SGTB: variants seen among roughly 807,000 people sequenced by gnomAD.
SGTB encodes the protein small glutamine rich tetratricopeptide repeat co-chaperone beta, also known as small glutamine-rich tetratricopeptide repeat-containing protein beta.
Under a neutral mutation model 43.9 loss-of-function variants are expected in SGTB, and 19 were observed. The ratio of observed to expected loss-of-function variants is 0.43; its 90% CI spans 0.30 to 0.63. SGTB has a LOEUF of 0.63. Among genes scored for constraint, SGTB ranks in the 30% least tolerant of loss-of-function variants. The pLI is 0.12. For synonymous variants in SGTB, 116 were observed against 117.3 expected, an observed-to-expected ratio of 0.99 and a Z score of 0.07; for missense variants, 304 against 358.9, an observed-to-expected ratio of 0.85 and a Z score of 1.24.
rs1757111048 is a variant in SGTB, at chr5:65,669,452, T to C, written c.*794A>G. ...AAGTCAAACAGTTGTACCACTGACC[T>C]AACCAGTACATTAAGGATTTCTAAA... is the stretch of plus-strand genomic sequence containing the variant. On this transcript the variant is annotated 3_prime_UTR_variant, in exon 11 of 11. Coordinates refer to ENST00000381007, the MANE Select transcript of SGTB (RefSeq NM_019072.3). 6.6e-6 allele frequency: 1 copy of C among 152,204 alleles called. No homozygotes were observed. The highest frequency in any genetic ancestry group is 2.1e-4 in the South Asian group (1 of 4,830). 9.4% of individuals were successfully genotyped at this position (152,204 alleles called of 1,614,324 possible).
At chr5:65,687,821 T>C (rs1757528852) in intron 5 of SGTB, among the ~76,000 whole-genome samples, 1 of 150,932 alleles carries the variant, frequency 6.6e-6, no homozygotes, top group African/African-American at 2.5e-5. Context: ...CAGGCTGGAC[T>C]GCAGTGGCGC....
intron 2 of SGTB, among the ~76,000 whole-genome samples, chr5:65,716,925 C>T (rs1241281996): frequency 3.3e-5 from 5 of 151,472 alleles, no homozygotes; most frequent in Admixed American, 1.3e-4. Flanking sequence ...ACCCTGGGTA[C>T]ACCAGGTCAG....
intron 5 of SGTB, among the ~76,000 whole-genome samples, chr5:65,692,656 T>A (rs1466296788): frequency 6.6e-6 from 1 of 152,048 alleles, no homozygotes; most frequent in African/African-American, 2.4e-5. Context: ...GAGACAAAAG[T>A]GGCATAACAA....
intron 5 of SGTB, among the ~76,000 whole-genome samples, chr5:65,687,329 T>G (rs1312960679): frequency 1.3e-5 from 2 of 152,202 alleles, no homozygotes; most frequent in Non-Finnish European, 2.9e-5. Flanking sequence ...GAGCACAACC[T>G]TCCAGACAAG....
At chr5:65,670,922 A>G (rs27136) in intron 10 of SGTB, among the ~76,000 whole-genome samples, 94,154 of 152,032 alleles carry the variant, frequency 0.62, 29,468 homozygotes, top group Non-Finnish European at 0.64. Context: ...TTCATATAAA[A>G]TGTCCAGCGA....
At chr5:65,714,553 G>A (rs1026713247) in intron 2 of SGTB, among the ~76,000 whole-genome samples, 3 of 152,154 alleles carry the variant, frequency 2.0e-5, no homozygotes, top group Non-Finnish European at 4.4e-5. Flanking sequence ...GGTGGCTCAC[G>A]CCTATAATCC....
chr5:65,720,566 T>A (rs1422014049), intron 2 of SGTB, 142 bp downstream of exon 2: 11 of 838,560 alleles, frequency 1.3e-5, no homozygotes, highest in Non-Finnish European at 1.9e-5. Flanking sequence ...GGAAATACGA[T>A]AACCTTATAG....
rs1757620301 is a variant in SGTB, at chr5:65,691,886, G to A, written c.375-6414C>T. On this transcript the variant is annotated intron_variant, in intron 5 of 10. Coordinates refer to ENST00000381007, the MANE Select transcript of SGTB (RefSeq NM_019072.3). ...GCGGAGCTTGCAGTGAGCCGAGATC[G>A]CGCCACTGCACCCCAGCCTGGGTGA... is the stretch of plus-strand genomic sequence containing the variant. 5.3e-5 allele frequency among the ~76,000 whole-genome samples: 8 copies of A among 150,162 alleles called. No individual in the cohort carries two copies. In the South Asian group the frequency reaches 1.1e-3, roughly 20 times the overall value.
At chr5:65,716,013 G>T (rs556214398) in intron 2 of SGTB, among the ~76,000 whole-genome samples, 1 of 152,138 alleles carries the variant, frequency 6.6e-6, no homozygotes, top group African/African-American at 2.4e-5. Context: ...CAAGTGATCC[G>T]CCCGCCTCGG....
chr5:65,687,940 C>A (rs1212450776), intron 5 of SGTB, among the ~76,000 whole-genome samples: 2 of 152,084 alleles, frequency 1.3e-5, no homozygotes, highest in East Asian at 3.9e-4. Context: ...GGCTAATTTT[C>A]GTATTTTTAG....
intron 2 of SGTB, among the ~76,000 whole-genome samples, chr5:65,718,327 G>A (rs1319435001): frequency 6.6e-6 from 1 of 152,146 alleles, no homozygotes; most frequent in Non-Finnish European, 1.5e-5. Flanking sequence ...AATGTATCCA[G>A]ATATTGCAAA....
chr5:65,681,355 C>G (rs917922662), intron 6 of SGTB, among the ~76,000 whole-genome samples: 4 of 151,940 alleles, frequency 2.6e-5, no homozygotes, highest in African/African-American at 7.3e-5. Context: ...CAAATTATAC[C>G]AGGCACAAGT....
At chr5:65,708,912 G>A (rs919093252) in intron 3 of SGTB, among the ~76,000 whole-genome samples, 9 of 152,132 alleles carry the variant, frequency 5.9e-5, no homozygotes, top group Middle Eastern at 3.4e-3. Context: ...GTGGTGGCAT[G>A]TGCCTGTAGT....
In SGTB at chr5:65,681,581, C is replaced by T. The variant is rs149745290; in HGVS notation, c.480-787G>A. 3.3e-3 allele frequency among the ~76,000 whole-genome samples: 505 copies of T among 152,184 alleles called. 2 individuals are homozygous for T. Among genetic ancestry groups the T allele is most frequent in the African/African-American group, 0.011 (462 of 41,532 alleles). ...TTCTACCAGTCAACCATGTATGATACTTTATCAGAGTCCCCAGTTAATCAA... is the reference window on the plus strand; with the variant it reads ...TTCTACCAGTCAACCATGTATGATATTTTATCAGAGTCCCCAGTTAATCAA... On this transcript the variant is annotated intron_variant, in intron 6 of 10. Coordinates refer to ENST00000381007, the MANE Select transcript of SGTB (RefSeq NM_019072.3).
intron 6 of SGTB, among the ~76,000 whole-genome samples, chr5:65,684,780 T>A (rs142184930): frequency 6.6e-5 from 10 of 152,102 alleles, no homozygotes; most frequent in African/African-American, 2.4e-4. Context: ...CTTAAACTCC[T>A]GACCTCAAGT....
At chr5:65,708,351 AT>A (rs1757976094) in intron 4 of SGTB, 137 bp downstream of exon 4, 2 of 650,258 alleles carry the variant, frequency 3.1e-6, no homozygotes, top group Non-Finnish European at 5.1e-6. Flanking sequence ...CATCACATTC[AT>A]TTCTGTTTCG....
chr5:65,707,689 T>A (rs981739366), intron 4 of SGTB, among the ~76,000 whole-genome samples: 2 of 152,252 alleles, frequency 1.3e-5, no homozygotes, highest in East Asian at 3.9e-4. Flanking sequence ...CACCTCGGCC[T>A]CCCAAAGTGC....
At chr5:65,698,742 T>G (rs115579708) in intron 5 of SGTB, among the ~76,000 whole-genome samples, 2,642 of 152,232 alleles carry the variant, frequency 0.017, 77 homozygotes, top group African/African-American at 0.061. Context: ...AATAGACATT[T>G]CTCAAAGTAT....
chr5:65,696,980 A>T (rs535420955), intron 5 of SGTB, among the ~76,000 whole-genome samples: 28 of 152,330 alleles, frequency 1.8e-4, no homozygotes, highest in African/African-American at 6.7e-4. Context: ...TATGTAAAAA[A>T]TATTTTGATT....
Sources: gnomAD v4.1 joint callset for allele counts (sites outside exome capture counted in the v4.1 genomes callset) on GRCh38, gnomAD v4.1.1 for gene constraint, MANE v1.5 for transcripts, NCBI Gene and HGNC (gene_info 2026-07-23, HGNC 2026-07-21) for gene names.